Variants in PRCP observed in about 807,000 individuals in gnomAD.
PRCP encodes the protein prolylcarboxypeptidase, also known as lysosomal Pro-X carboxypeptidase.
Under a neutral mutation model 54.2 loss-of-function variants are expected in PRCP, and 46 were observed. The observed-to-expected ratio is 0.85, with a 90% CI of 0.67 to 1.09. The LOEUF is 1.09. Ranked by LOEUF, PRCP falls within the 50% of genes least tolerant of loss-of-function variation. PRCP has a pLI of 0.00. For synonymous variants in PRCP, 240 were observed against 212.2 expected (o/e 1.13, Z -1.14); for missense variants, 613 against 596.8 (o/e 1.03, Z -0.28).
intron 7 of PRCP, 132 bp from the exon 8 acceptor site, chr11:82,838,706 C>A (rs1858589945): frequency 1.3e-6 from 1 of 747,140 alleles, no homozygotes; most frequent in Middle Eastern, 2.5e-4. Flanking sequence ...CTTCAACGCC[C>A]TGTTCTTTAC....
chr11:82,855,820 G>A (rs1859069273), intron 2 of PRCP, among the ~76,000 whole-genome samples: 1 of 152,152 alleles, frequency 6.6e-6, no homozygotes, highest in Non-Finnish European at 1.5e-5. Flanking sequence ...ATACCAGTTA[G>A]GATGGCTATT....
At chr11:82,859,626 C>T (rs1298384686) in intron 2 of PRCP, among the ~76,000 whole-genome samples, 1 of 151,918 alleles carries the variant, frequency 6.6e-6, no homozygotes, top group Non-Finnish European at 1.5e-5. Context: ...AAAACAAAAA[C>T]AAAAAACTTG....
chr11:82,837,356 T>A (rs1439261014), intron 8 of PRCP: 2 of 152,390 alleles, frequency 1.3e-5, no homozygotes, highest in African/African-American at 4.8e-5. Flanking sequence ...GAGTAGTTGG[T>A]TGGTCTGAAA....
intron 1 of PRCP, among the ~76,000 whole-genome samples, chr11:82,883,822 C>T (rs1859806104): frequency 6.6e-6 from 1 of 152,128 alleles, no homozygotes; most frequent in Admixed American, 6.5e-5. Flanking sequence ...ATTCCCATCT[C>T]TTTTAAAGGG....
chr11:82,859,029 G>T (rs917748970), intron 2 of PRCP, among the ~76,000 whole-genome samples: 1 of 152,174 alleles, frequency 6.6e-6, no homozygotes, highest in African/African-American at 2.4e-5. Context: ...GAGACCTCCT[G>T]ACTACCAGGC....
At chr11:82,869,593 G>C (rs1282759265) in intron 1 of PRCP, among the ~76,000 whole-genome samples, 5 of 152,138 alleles carry the variant, frequency 3.3e-5, no homozygotes, top group Admixed American at 2.0e-4. Flanking sequence ...AATAGGCAGG[G>C]ACTTTTTTCT....
chr11:82,870,659 G>A (rs1859458139), intron 1 of PRCP, among the ~76,000 whole-genome samples: 1 of 152,218 alleles, frequency 6.6e-6, no homozygotes, highest in Non-Finnish European at 1.5e-5. Flanking sequence ...AGAGGTAAAA[G>A]TTCAGCATGG....
chr11:82,870,193 A>G (rs1287397332), intron 1 of PRCP, among the ~76,000 whole-genome samples: 3 of 152,254 alleles, frequency 2.0e-5, no homozygotes, highest in African/African-American at 7.2e-5. Flanking sequence ...TGTACAACAT[A>G]GCAGCTCGTT....
intron 2 of PRCP, among the ~76,000 whole-genome samples, chr11:82,854,341 G>A (rs1859028875): frequency 6.6e-6 from 1 of 152,112 alleles, no homozygotes; most frequent in African/African-American, 2.4e-5. Flanking sequence ...AAAATCAGTA[G>A]CATGTCTATA....
At chr11:82,850,583 A>T (rs746570461) in intron 3 of PRCP, 78 bp from the exon 4 acceptor site, 30 of 1,134,134 alleles carry the variant, frequency 2.6e-5, no homozygotes, top group Non-Finnish European at 3.5e-5. Context: ...TCCAGAAGAG[A>T]GCCAGTGTCA....
intron 8 of PRCP, chr11:82,828,465 T>C (rs994050968): frequency 1.3e-5 from 2 of 152,230 alleles, no homozygotes; most frequent in African/African-American, 2.4e-5. Context: ...ACCCATGGCA[T>C]GTATTAGATC....
Position 82,843,594 on chromosome 11 carries a change from A to T in PRCP, c.922-4169T>A, listed in dbSNP as rs1468432686. Among the ~76,000 whole-genome samples, 3 of 99,750 alleles carry T rather than the reference A, an allele frequency of 3.0e-5. No individual in the cohort carries two copies. The East Asian group carries it at 7.0e-4, about 23-fold the overall frequency. 65.4% of individuals were successfully genotyped at this position (99,750 alleles called of 152,430 possible). ...AATCAGACAACCATCTCTGTCCAAA[A>T]TACTCAACACCCAGGTATCCCTGAA... On this transcript the variant is annotated intron_variant, in intron 6 of 8. Transcript: ENST00000313010.
chr11:82,848,540 T>C (rs1249143644), intron 6 of PRCP, among the ~76,000 whole-genome samples: 1 of 152,198 alleles, frequency 6.6e-6, no homozygotes, highest in Admixed American at 6.5e-5. Flanking sequence ...CAGAATCTAA[T>C]TTGATGTTCT....
At chr11:82,900,457 A>AGCGCACAGGCTAAGCC, upstream of PRCP, 1 of 1,575,352 alleles carries the variant, frequency 6.3e-7, no homozygotes, top group Non-Finnish European at 8.6e-7. Flanking sequence ...GGCCAGCAGA[A>AGCGCACAGGCTAAGCC]GCGCACAGGC....
chr11:82,843,989 G>GAA (rs36057569), intron 6 of PRCP, among the ~76,000 whole-genome samples: 127 of 130,024 alleles, frequency 9.8e-4, no homozygotes, highest in Admixed American at 1.4e-3. Flanking sequence ...TCTGATGTGG[G>GAA]AAAAAAAAAA....
At chr11:82,825,778 T>A (rs1462808024) in intron 8 of PRCP, 2 of 152,252 alleles carry the variant, frequency 1.3e-5, no homozygotes, top group Non-Finnish European at 2.9e-5. Flanking sequence ...TACACGAAAA[T>A]CTTCATTTTA....
chr11:82,828,625 C>A (rs977639161), intron 8 of PRCP: 3 of 152,140 alleles, frequency 2.0e-5, no homozygotes, highest in African/African-American at 4.8e-5. Context: ...AGTCTTCAAG[C>A]CCACATTATC....
chr11:82,831,794 A>G (rs1263989276), intron 8 of PRCP, among the ~76,000 whole-genome samples: 1 of 152,062 alleles, frequency 6.6e-6, no homozygotes, highest in African/African-American at 2.4e-5. Flanking sequence ...ATAGGTATAC[A>G]CATGTCATGG....
intron 6 of PRCP, chr11:82,846,100 A>G (rs1282026623): frequency 6.6e-6 from 1 of 152,172 alleles, no homozygotes; most frequent in African/African-American, 2.4e-5. Context: ...ACTGTTACAT[A>G]TTATCTCACC....
Sources: gnomAD v4.1 joint callset for allele counts (sites outside exome capture counted in the v4.1 genomes callset) on GRCh38, gnomAD v4.1.1 for gene constraint, MANE v1.5 for transcripts, NCBI Gene and HGNC (gene_info 2026-07-23, HGNC 2026-07-21) for gene names.